Variants in F5 observed in about 807,000 individuals in gnomAD.
The protein encoded by F5 is activated protein c cofactor.
A neutral mutation model predicts 216.4 loss-of-function variants in F5; 138 were observed. The ratio of observed to expected loss-of-function variants is 0.64; its 90% CI spans 0.56 to 0.73. F5 has a LOEUF of 0.73. F5 is among the 30% of genes least tolerant of loss of function. The pLI is 0.00. For synonymous variants in F5, 916 were observed against 930.7 expected (o/e 0.98, Z 0.29); for missense variants, 2,403 against 2,674.0 (o/e 0.90, Z 2.24).
At chr1:169,533,519 A>C (rs1659636379) in intron 14 of F5, among the ~76,000 whole-genome samples, 1 of 152,208 alleles carries the variant, frequency 6.6e-6, no homozygotes. Context: ...TAATATCCAG[A>C]AACTATAAGA....
intron 5 of F5, among the ~76,000 whole-genome samples, chr1:169,557,166 G>A (rs1489099622): frequency 6.6e-6 from 1 of 152,188 alleles, no homozygotes; most frequent in East Asian, 1.9e-4. Flanking sequence ...GCCAAGAAGG[G>A]AACCAAGAAG....
intron 3 of F5, among the ~76,000 whole-genome samples, chr1:169,566,624 G>A (rs1660605877): frequency 6.6e-6 from 1 of 151,958 alleles, no homozygotes. Flanking sequence ...AAATATCTTG[G>A]TGGTTGTATC....
Position 169,523,236 on chromosome 1 carries a change from G to C in F5, c.6009C>G (p.Asn2003Lys). Residue 2003 changes from asparagine to lysine, a missense_variant, in exon 21 of 25, where the codon AAC (asparagine) becomes AAG (lysine). Asn to Lys is a moderately conservative substitution (Grantham distance 94, BLOSUM62 0). Transcript: ENST00000367797. ...TGCTGTTCCCTTTGAAGATCTGCCA[G>C]TTGATCTGGTTGGAACTGTAAGCTA... ...FYVAYSSNQI[N>K]WQIFKGNSTR... 1 of 1,614,094 alleles carries C rather than the reference G, an allele frequency of 6.2e-7. No homozygotes were observed. The highest frequency in any genetic ancestry group is 8.5e-7 in the Non-Finnish European group (1 of 1,179,966).
intron 7 of F5, among the ~76,000 whole-genome samples, chr1:169,553,440 G>A (rs957283533): frequency 2.6e-5 from 4 of 152,238 alleles, no homozygotes; most frequent in African/African-American, 9.6e-5. Context: ...CGGGCGCGGT[G>A]GCTCACGCCT....
At chr1:169,533,488 A>G (rs1659635277) in intron 14 of F5, among the ~76,000 whole-genome samples, 1 of 152,202 alleles carries the variant, frequency 6.6e-6, no homozygotes, top group African/African-American at 2.4e-5. Flanking sequence ...ATATTCACAA[A>G]GTATGTATCT....
chr1:169,536,819 A>G (rs781107366), intron 13 of F5, 139 bp from the exon 14 acceptor site: 13 of 648,854 alleles, frequency 2.0e-5, no homozygotes, highest in Non-Finnish European at 3.2e-5. Context: ...GAGTAAATAT[A>G]TAAGTGGATA....
In F5 at chr1:169,524,891, C is replaced by T. The variant is rs1659400823; in HGVS notation, c.5734G>A (p.Gly1912Arg). ...IMDRDCRMPM[G>R]LSTGIISDSQ... ...TCAGATATGATACCAGTGCTTAGTC[C>T]CATTGGCATCCTACAGTCTATGAAA... The change falls in exon 19 of 25, where the codon GGA (glycine) becomes AGA (arginine). Residue 1912 changes from glycine to arginine, a missense_variant. Gly to Arg is a moderately radical substitution (Grantham distance 125). Transcript: ENST00000367797. 1 of 1,613,070 alleles carries T rather than the reference C, an allele frequency of 6.2e-7. No individual in the cohort carries two copies. Among genetic ancestry groups the T allele is most frequent in the Non-Finnish European group, 8.5e-7 (1 of 1,179,450 alleles).
At position 169,512,685 on chromosome 1, in the gene F5, A is replaced by G. The variant is rs1420920566; in HGVS notation, c.*1628T>C. 5.3e-5 allele frequency among the ~76,000 whole-genome samples: 8 copies of G among 152,096 alleles called. No homozygotes were observed. Among genetic ancestry groups the G allele is most frequent in the African/African-American group, 1.4e-4 (6 of 41,440 alleles). ...TGTTGATGGGACAATGACATGAATC[A>G]TGAAAAGAAAGGAATAGTGGGAATA... On this transcript the variant is annotated 3_prime_UTR_variant, in exon 25 of 25. Transcript: ENST00000367797.
At chr1:169,527,015 C>T (rs9332630) in intron 17 of F5, among the ~76,000 whole-genome samples, 62,509 of 151,858 alleles carry the variant, frequency 0.41, 14,373 homozygotes, top group Non-Finnish European at 0.53. Context: ...GACTTCTGTG[C>T]CTGCATCTGA....
rs201142225 is a variant in F5 at position 169,518,516 on chromosome 1, G to T, written c.6241C>A (p.Gln2081Lys). ...GMENGKIENK[Q>K]ITASSFKKSW... ...TTCTTAAACGAAGAAGCTGTGATTT[G>T]CTTGTTTTCTATCTTTCCATTTTCC... The change falls in exon 23 of 25, where the codon CAA becomes AAA. Residue 2081 changes from glutamine to lysine, a missense_variant. Physicochemically the swap from Gln to Lys is moderately conservative, Grantham distance 53. Transcript: ENST00000367797. 16 of 1,613,870 alleles carry T rather than the reference G, an allele frequency of 9.9e-6. No homozygotes were observed. Among genetic ancestry groups the T allele is most frequent in the Non-Finnish European group, 1.4e-5 (16 of 1,179,878 alleles).
chr1:169,582,882 G>A (rs953551015), intron 1 of F5, among the ~76,000 whole-genome samples: 1 of 152,108 alleles, frequency 6.6e-6, no homozygotes, highest in Non-Finnish European at 1.5e-5. Context: ...AAATATATGA[G>A]CTGTTTTTCA....
chr1:169,556,532 G>A (rs886587967), intron 6 of F5, 114 bp downstream of exon 6: 15 of 966,470 alleles, frequency 1.6e-5, no homozygotes, highest in Non-Finnish European at 1.9e-5. Flanking sequence ...AGGAACTGAG[G>A]AAAGTTTGTC....
chr1:169,583,458 C>A (rs1274274967), intron 1 of F5, among the ~76,000 whole-genome samples: 1 of 152,152 alleles, frequency 6.6e-6, no homozygotes, highest in African/African-American at 2.4e-5. Flanking sequence ...AATTCAGTAT[C>A]TCTGGACTTG....
rs772963594 is a variant in F5, at chr1:169,540,463, A to T, written c.4627T>A (p.Tyr1543Asn). 1 of 1,614,002 alleles carries T rather than the reference A, an allele frequency of 6.2e-7. No homozygotes were observed. The highest frequency in any genetic ancestry group is 8.5e-7 in the Non-Finnish European group (1 of 1,179,956). ...TTGTAGGGGTCATCATAGGGCACAT[A>T]ATCAATTTCAGCATAGTCATCTTCA... ...SSEDDYAEID[Y>N]VPYDDPYKTD... Residue 1543 changes from tyrosine (Y) to asparagine (N), a missense_variant, in exon 13 of 25, where the codon TAT becomes AAT. Around this residue, in one of 4 missense-constraint regions of F5, gnomAD observed 293 missense variants for 270.8 expected, o/e 1.08. Coordinates refer to ENST00000367797, the MANE Select transcript of F5 (RefSeq NM_000130.5).
chr1:169,584,475 A>T (rs1409643403), intron 1 of F5, among the ~76,000 whole-genome samples: 3 of 152,236 alleles, frequency 2.0e-5, no homozygotes, highest in Non-Finnish European at 4.4e-5. Context: ...AAGTTTTCTA[A>T]GGAAATTTTT....
chr1:169,535,932 G>T (rs574958040), intron 14 of F5, among the ~76,000 whole-genome samples: 1 of 152,070 alleles, frequency 6.6e-6, no homozygotes, highest in Non-Finnish European at 1.5e-5. Flanking sequence ...TGAGCGGTTA[G>T]CAAAAATGGC....
chr1:169,558,834 A>C (rs1165088805), intron 5 of F5, among the ~76,000 whole-genome samples: 2 of 152,168 alleles, frequency 1.3e-5, no homozygotes, highest in Admixed American at 1.3e-4. Context: ...GTCCTTGAAG[A>C]AGCCATGGTC....
intron 15 of F5, 117 bp downstream of exon 15, chr1:169,530,669 A>C: frequency 1.1e-6 from 1 of 914,330 alleles, no homozygotes; most frequent in Non-Finnish European, 1.8e-6. Context: ...ACCCTTATGC[A>C]TTCCTCATGA....
chr1:169,542,046 C>T lies in F5; in HGVS notation c.3044G>A (p.Gly1015Glu). 6.2e-7 allele frequency: 1 copy of T among 1,614,058 alleles called. No individual in the cohort carries two copies. Among genetic ancestry groups the T allele is most frequent in the Non-Finnish European group, 8.5e-7 (1 of 1,180,010 alleles). ...GCTTTTCTTCAGTCTACTCTTTCCT[C>T]CATCCTGTCTTACTTGTAGAGATTT... Reference protein sequence around the residue: ...RHKSLQVRQDGGKSRLKKSQF... With the variant: ...RHKSLQVRQDEGKSRLKKSQF... Residue 1015 changes from glycine to glutamate, a missense_variant, in exon 13 of 25, where the codon GGA becomes GAA. Physicochemically the swap from Gly to Glu is moderately conservative, Grantham distance 98. Transcript: ENST00000367797.
Sources: gnomAD v4.1 joint callset for allele counts (sites outside exome capture counted in the v4.1 genomes callset) on GRCh38, gnomAD v4.1.1 for gene constraint, gnomAD v4.1.1 regional missense constraint, MANE v1.5 for transcripts, NCBI Gene and HGNC (gene_info 2026-07-23, HGNC 2026-07-21) for gene names.